Variants in FRMD6 observed in about 807,000 individuals in gnomAD.
FRMD6 encodes the protein FERM domain containing 6.
FRMD6 carries 37 observed loss-of-function variants against 73.2 expected under a neutral mutation model. That is an observed-to-expected ratio of 0.51 (90% CI 0.39 to 0.66). FRMD6 has a LOEUF of 0.66. Among genes scored for constraint, FRMD6 ranks in the 30% least tolerant of loss-of-function variants. The pLI, the probability that FRMD6 is intolerant of heterozygous loss-of-function variation, is 0.00. For missense variants in FRMD6, 714 were observed against 780.5 expected (o/e 0.91, Z 1.02); for synonymous variants, 273 against 282.2 (o/e 0.97, Z 0.33).
intron 2 of FRMD6, among the ~76,000 whole-genome samples, chr14:51,590,924 C>T (rs146834459): frequency 5.8e-4 from 89 of 152,350 alleles, no homozygotes; most frequent in African/African-American, 1.8e-3. Context: ...ATATACCTCG[C>T]AGTCCCCTGT....
the FRMD6 span, among the ~76,000 whole-genome samples, chr14:51,425,631 T>C: frequency 6.6e-6 from 1 of 152,228 alleles, no homozygotes; most frequent in East Asian, 1.9e-4. Flanking sequence ...CTTCCTAAAA[T>C]GTGTCCCCTT....
intron 1 of FRMD6, among the ~76,000 whole-genome samples, chr14:51,495,531 A>G: frequency 6.6e-6 from 1 of 152,218 alleles, no homozygotes; most frequent in East Asian, 1.9e-4. Flanking sequence ...AGCAACAAAT[A>G]CAAGCATTGT....
chr14:51,416,022 A>G, the FRMD6 span, among the ~76,000 whole-genome samples: 1 of 151,762 alleles, frequency 6.6e-6, no homozygotes, highest in Non-Finnish European at 1.5e-5. Flanking sequence ...TTTTTATTGC[A>G]TCTATTTGAT....
chr14:51,437,126 C>A, the FRMD6 span, among the ~76,000 whole-genome samples: 1 of 152,170 alleles, frequency 6.6e-6, no homozygotes, highest in Non-Finnish European at 1.5e-5. Flanking sequence ...CTAATGCTAT[C>A]CCTCCCCCGG....
chr14:51,692,172 C>T (rs1895635260), intron 2 of FRMD6, among the ~76,000 whole-genome samples: 1 of 152,136 alleles, frequency 6.6e-6, no homozygotes, highest in Admixed American at 6.6e-5. Flanking sequence ...TGATTAGCTA[C>T]ATTGCTGCTC....
the FRMD6 span, among the ~76,000 whole-genome samples, chr14:51,463,496 A>G: frequency 2.0e-5 from 3 of 152,242 alleles, no homozygotes; most frequent in Non-Finnish European, 4.4e-5. Context: ...GGTTAAATCC[A>G]TGGATTCAGA....
At chr14:51,433,506 C>G in the FRMD6 span, among the ~76,000 whole-genome samples, 1 of 152,174 alleles carries the variant, frequency 6.6e-6, no homozygotes, top group Admixed American at 6.5e-5. Context: ...TCATATCATA[C>G]TAAATACATA....
At chr14:51,492,105 C>T (rs989107262) in intron 1 of FRMD6, among the ~76,000 whole-genome samples, 7 of 152,186 alleles carry the variant, frequency 4.6e-5, no homozygotes, top group Admixed American at 1.3e-4. Context: ...CTGCTGTTTC[C>T]GGAGACAGAG....
chr14:51,540,800 A>G (rs568198676), intron 1 of FRMD6, among the ~76,000 whole-genome samples: 1 of 152,268 alleles, frequency 6.6e-6, no homozygotes, highest in South Asian at 2.1e-4. Context: ...TTTAAAGGAA[A>G]ATGATTCAAA....
rs528606049 is a variant in FRMD6, at chr14:51,584,675, A to T, written c.-147+14265A>T. On this transcript the variant is annotated intron_variant, in intron 2 of 14. Transcript: ENST00000356218. ...TGAGCAAGTCCTTGTCAACCCTGAG[A>T]TGAAATTTAACTCAGTTTTGCTTTA... Among the ~76,000 whole-genome samples, 3 of 152,086 alleles carry T rather than the reference A, an allele frequency of 2.0e-5. No individual in the cohort carries two copies. The East Asian group carries it at 5.8e-4, about 29-fold the overall frequency.
At chr14:51,708,481 A>C (rs754971616) in intron 7 of FRMD6, 13 of 332,474 alleles carry the variant, frequency 3.9e-5, no homozygotes, top group Non-Finnish European at 6.6e-5. Flanking sequence ...ACAATTGGCT[A>C]TAAGATGTTA....
chr14:51,505,336 T>A (rs141888298), intron 1 of FRMD6, among the ~76,000 whole-genome samples: 137 of 152,276 alleles, frequency 9.0e-4, no homozygotes, highest in African/African-American at 2.3e-3. Context: ...TCCCAACAAA[T>A]ACCCTTTTAG....
chr14:51,724,373 C>T (rs745987771), intron 12 of FRMD6, among the ~76,000 whole-genome samples: 5 of 152,172 alleles, frequency 3.3e-5, no homozygotes, highest in Non-Finnish European at 5.9e-5. Flanking sequence ...TCTTTACAGG[C>T]ATGATAGCTG....
At chr14:51,589,960 C>T (rs1278010790) in intron 2 of FRMD6, among the ~76,000 whole-genome samples, 1 of 150,430 alleles carries the variant, frequency 6.6e-6, no homozygotes, top group Non-Finnish European at 1.5e-5. Context: ...TCCAGCTATG[C>T]AGGAGGCTTA....
At chr14:51,516,897 C>A (rs1022679455) in intron 1 of FRMD6, among the ~76,000 whole-genome samples, 1 of 152,124 alleles carries the variant, frequency 6.6e-6, no homozygotes, top group Non-Finnish European at 1.5e-5. Flanking sequence ...CAGTTCCTTG[C>A]CTCTTTTAAT....
chr14:51,462,771 A>C, the FRMD6 span, among the ~76,000 whole-genome samples: 2 of 151,294 alleles, frequency 1.3e-5, no homozygotes, highest in Non-Finnish European at 3.0e-5. Flanking sequence ...AGGGAGGAAG[A>C]AAATAAGGGA....
intron 2 of FRMD6, among the ~76,000 whole-genome samples, chr14:51,623,108 C>T (rs1367867817): frequency 6.6e-6 from 1 of 151,978 alleles, no homozygotes; most frequent in Non-Finnish European, 1.5e-5. Flanking sequence ...ATACTTGCTC[C>T]TCCAAAAAAA....
intron 1 of FRMD6, among the ~76,000 whole-genome samples, chr14:51,518,101 T>A (rs1346275929): frequency 1.3e-5 from 2 of 152,220 alleles, no homozygotes; most frequent in Admixed American, 1.3e-4. Context: ...GAAAAAGGAA[T>A]TTGAGACTTC....
the FRMD6 span, among the ~76,000 whole-genome samples, chr14:51,482,239 A>C: frequency 6.6e-6 from 1 of 152,220 alleles, no homozygotes; most frequent in East Asian, 1.9e-4. Flanking sequence ...TTTGCTGACC[A>C]TCTGAAATGT....
Sources: allele counts gnomAD v4.1 joint callset (sites outside exome capture counted in the v4.1 genomes callset), GRCh38; gene constraint gnomAD v4.1.1; transcripts MANE v1.5; gene names NCBI Gene and HGNC (gene_info 2026-07-23, HGNC 2026-07-21).